Variants in SOX6 observed in about 807,000 individuals in gnomAD.
SOX6 encodes SRY-box transcription factor 6, also known as transcription factor SOX-6.
In SOX6, 11 loss-of-function variants were observed where a neutral mutation model predicts 97.8. The ratio of observed to expected loss-of-function variants is 0.11; its 90% CI spans 0.07 to 0.19. SOX6 has a LOEUF of 0.19. SOX6 is among the 10% of genes least tolerant of loss of function. The probability of loss-of-function intolerance (pLI) is 1.00; values close to 1 mark genes in which losing one functional copy is unlikely to be tolerated. For synonymous variants in SOX6, 360 were observed against 371.4 expected, an observed-to-expected ratio of 0.97 and a Z score of 0.35; for missense variants, 810 against 1,039.5, an observed-to-expected ratio of 0.78 and a Z score of 3.04.
At chr11:16,261,601 G>A (rs550091362) in intron 3 of SOX6, among the ~76,000 whole-genome samples, 1 of 151,650 alleles carries the variant, frequency 6.6e-6, no homozygotes, top group South Asian at 2.1e-4. Flanking sequence ...GAAGTTTTGT[G>A]TAGTTTTTCT....
At chr11:16,404,133 G>A (rs1252781418) in intron 1 of SOX6, among the ~76,000 whole-genome samples, 3 of 151,834 alleles carry the variant, frequency 2.0e-5, no homozygotes, top group African/African-American at 2.4e-5. Context: ...GGGAAGGGAC[G>A]TACTTTTGCT....
chr11:16,070,784 G>A (rs1341349731), intron 9 of SOX6, among the ~76,000 whole-genome samples: 1 of 152,072 alleles, frequency 6.6e-6, no homozygotes, highest in Non-Finnish European at 1.5e-5. Flanking sequence ...TGGCGGGGGG[G>A]CACACTCTCC....
In SOX6 at chr11:16,472,901, A is replaced by G. The variant is rs6486292; in HGVS notation, c.-5+3414T>C. On this transcript the variant is annotated intron_variant, in intron 1 of 15. Coordinates refer to the SOX6 transcript ENST00000396356. Reference sequence around the variant, plus strand: ...AGTTTCCTGTGTCTTTGCTGTTATCAAATGTAAAAAAGCCCCTTAAATACC... The same window carrying G: ...AGTTTCCTGTGTCTTTGCTGTTATCGAATGTAAAAAAGCCCCTTAAATACC... Among the ~76,000 whole-genome samples, 1,164 of 152,258 alleles carry G rather than the reference A, an allele frequency of 7.6e-3. 14 individuals are homozygous for G. Among genetic ancestry groups the G allele is most frequent in the African/African-American group, 0.026 (1,094 of 41,556 alleles).
At chr11:16,101,220 C>T (rs969035547) in intron 7 of SOX6, among the ~76,000 whole-genome samples, 1 of 151,676 alleles carries the variant, frequency 6.6e-6, no homozygotes, top group African/African-American at 2.4e-5. Context: ...CAAAATATTA[C>T]AATTCCTCTA....
At chr11:16,591,318 CATAGATAGATAGATAG>C (rs61285320) in intron 4 of SOX6, among the ~76,000 whole-genome samples, 8 of 123,428 alleles carry the variant, frequency 6.5e-5, no homozygotes, top group Admixed American at 8.6e-5. Context: ...TGGTTAGATA[CATAGATAGATAGATAG>C]ATAGATAGAT....
intron 3 of SOX6, among the ~76,000 whole-genome samples, chr11:16,309,020 G>T (rs763578469): frequency 1.2e-4 from 19 of 152,218 alleles, no homozygotes; most frequent in Non-Finnish European, 2.5e-4. Context: ...GACAGTTAAA[G>T]CTTTCAGGAA....
At chr11:16,227,358 A>G (rs1473106646) in intron 4 of SOX6, among the ~76,000 whole-genome samples, 1 of 151,924 alleles carries the variant, frequency 6.6e-6, no homozygotes, top group African/African-American at 2.4e-5. Flanking sequence ...CCAGAACCCA[A>G]TTTTCATTTA....
intron 1 of SOX6, among the ~76,000 whole-genome samples, chr11:16,350,669 G>C (rs1048490940): frequency 2.6e-4 from 40 of 152,284 alleles, no homozygotes; most frequent in African/African-American, 9.4e-4. Context: ...CTTCTTGTCA[G>C]AGAACATCTT....
intron 6 of SOX6, among the ~76,000 whole-genome samples, chr11:16,173,999 T>C (rs1468449925): frequency 6.7e-6 from 1 of 150,132 alleles, no homozygotes; most frequent in Non-Finnish European, 1.5e-5. Flanking sequence ...ATGCATGCCA[T>C]CACACCCAGT....
intron 3 of SOX6, among the ~76,000 whole-genome samples, chr11:16,273,126 A>C (rs1241595661): frequency 1.4e-5 from 2 of 146,288 alleles, no homozygotes; most frequent in Non-Finnish European, 3.1e-5. Context: ...ACAAAATTAA[A>C]GTCAGAAAAA....
chr11:16,590,953 G>A (rs1848143499), intron 4 of SOX6, among the ~76,000 whole-genome samples: 1 of 151,944 alleles, frequency 6.6e-6, no homozygotes, highest in East Asian at 1.9e-4. Flanking sequence ...TGGACTGTTT[G>A]TAATACAAAG....
intron 3 of SOX6, among the ~76,000 whole-genome samples, chr11:16,667,614 T>A (rs1214193287): frequency 1.3e-5 from 2 of 150,388 alleles, no homozygotes; most frequent in East Asian, 3.9e-4. Context: ...CATGGGGAAA[T>A]AAAGACTTTC....
At chr11:16,154,740 A>G (rs1310820611) in intron 6 of SOX6, among the ~76,000 whole-genome samples, 2 of 152,092 alleles carry the variant, frequency 1.3e-5, no homozygotes, top group Non-Finnish European at 2.9e-5. Flanking sequence ...TCCTGTTTCT[A>G]TTTCCCCAAG....
intron 1 of SOX6, chr11:16,402,787 A>T (rs1858595984): frequency 3.8e-6 from 6 of 1,595,378 alleles, no homozygotes; most frequent in Non-Finnish European, 5.1e-6. Flanking sequence ...CTATTGTTAC[A>T]TGAGACAACA....
At chr11:16,412,460 G>A (rs1858840147) in intron 1 of SOX6, among the ~76,000 whole-genome samples, 1 of 152,098 alleles carries the variant, frequency 6.6e-6, no homozygotes, top group Admixed American at 6.6e-5. Context: ...CCAACTCAAA[G>A]TAGCTTTTTT....
At chr11:16,690,920 T>A (rs182629846) in intron 3 of SOX6, among the ~76,000 whole-genome samples, 1 of 152,288 alleles carries the variant, frequency 6.6e-6, no homozygotes, top group East Asian at 1.9e-4. Flanking sequence ...CAAATAGAGG[T>A]CAAAGGCTTC....
In SOX6 at chr11:16,410,010, G is replaced by A. The variant is rs1347731183; in HGVS notation, c.-5+66305C>T. Among the ~76,000 whole-genome samples, 3 of 152,128 alleles carry A rather than the reference G, an allele frequency of 2.0e-5. No individual in the cohort carries two copies. The East Asian group carries it at 5.8e-4, about 29-fold the overall frequency. On this transcript the variant is annotated intron_variant, in intron 1 of 15. Coordinates refer to the SOX6 transcript ENST00000396356. ...AGTAGGTGGTTACCAGAGGTTGGGT[G>A]GGGATGGGGAGGAATAGGGAGATGT...
chr11:16,608,357 G>C (rs1392196412), intron 4 of SOX6, among the ~76,000 whole-genome samples: 4 of 152,078 alleles, frequency 2.6e-5, no homozygotes, highest in Admixed American at 2.6e-4. Context: ...GATAGAACTG[G>C]ACCACAAAAG....
chr11:16,578,691 TACA>T (rs1357374839), intron 4 of SOX6, among the ~76,000 whole-genome samples: 352 of 152,218 alleles, frequency 2.3e-3, no homozygotes, highest in Non-Finnish European at 3.9e-3. Context: ...GTTTGAAAGC[TACA>T]GAATTCTATG....
Sources: gnomAD v4.1 joint callset for allele counts (sites outside exome capture counted in the v4.1 genomes callset) on GRCh38, gnomAD v4.1.1 for gene constraint, MANE v1.5 for transcripts, NCBI Gene and HGNC (gene_info 2026-07-23, HGNC 2026-07-21) for gene names.